UNC13C: variants seen among roughly 807,000 people sequenced by gnomAD.
UNC13C encodes protein unc-13 homolog C.
UNC13C carries 174 observed loss-of-function variants against 245.4 expected under a neutral mutation model. The observed-to-expected ratio is 0.71, with a 90% CI of 0.63 to 0.80. The LOEUF (loss-of-function observed/expected upper bound fraction) is 0.80, where lower values mean the gene tolerates loss of function less well. UNC13C is among the 30% of genes least tolerant of loss of function. The probability of loss-of-function intolerance (pLI) is 0.00; values close to 1 mark genes in which losing one functional copy is unlikely to be tolerated. For missense variants in UNC13C, 2,829 were observed against 2,602.9 expected (o/e 1.09, Z -1.89); for synonymous variants, 992 against 895.1 (o/e 1.11, Z -1.93).
chr15:54,207,169 A>G (rs1262003713), intron 4 of UNC13C, among the ~76,000 whole-genome samples: 1 of 151,892 alleles, frequency 6.6e-6, no homozygotes, highest in African/African-American at 2.4e-5. Context: ...AAGGATTTGA[A>G]TGTTGGTTGT....
intron 19 of UNC13C, among the ~76,000 whole-genome samples, chr15:54,487,132 CAG>C (rs1893456490): frequency 6.6e-6 from 1 of 152,128 alleles, no homozygotes; most frequent in Non-Finnish European, 1.5e-5. Context: ...GTAGATCAAT[CAG>C]AGAGTGTATC....
intron 2 of UNC13C, among the ~76,000 whole-genome samples, chr15:54,030,162 G>C (rs1896296321): frequency 6.6e-6 from 1 of 152,046 alleles, no homozygotes; most frequent in South Asian, 2.1e-4. Context: ...CCTGCTTCCA[G>C]GGACCACCTT....
chr15:54,399,421 A>G (rs925996754), intron 18 of UNC13C, among the ~76,000 whole-genome samples: 8 of 151,902 alleles, frequency 5.3e-5, no homozygotes, highest in African/African-American at 1.9e-4. Flanking sequence ...AATTTTACTC[A>G]TTTTACTTAA....
At chr15:53,971,947 A>G in the UNC13C span, among the ~76,000 whole-genome samples, 2 of 152,208 alleles carry the variant, frequency 1.3e-5, no homozygotes, top group Non-Finnish European at 2.9e-5. Flanking sequence ...CCTTCATTTT[A>G]TAGATGACTC....
intron 7 of UNC13C, among the ~76,000 whole-genome samples, chr15:54,245,880 A>C (rs1398841985): frequency 1.3e-5 from 2 of 152,154 alleles, no homozygotes; most frequent in African/African-American, 2.4e-5. Flanking sequence ...TAATATCACA[A>C]GGAGGATTAT....
chr15:54,109,247 T>C (rs944967405), intron 2 of UNC13C, among the ~76,000 whole-genome samples: 12 of 150,352 alleles, frequency 8.0e-5, no homozygotes, highest in Non-Finnish European at 1.3e-4. Flanking sequence ...TTTATTTTCC[T>C]TTCTTTCCTT....
chr15:53,858,111 C>T, the UNC13C span, among the ~76,000 whole-genome samples: 1 of 152,130 alleles, frequency 6.6e-6, no homozygotes, highest in Non-Finnish European at 1.5e-5. Context: ...TGTCATATGT[C>T]ATGTTTAATT....
intron 20 of UNC13C, 111 bp downstream of exon 20, chr15:54,494,845 C>A: frequency 1.6e-6 from 2 of 1,250,350 alleles, no homozygotes; most frequent in Non-Finnish European, 2.2e-6. Context: ...CATTGGAATG[C>A]AGAAATTTCC....
chr15:54,532,939 T>C lies in UNC13C; in HGVS notation c.5569T>C (p.Cys1857Arg), dbSNP rs146318725. Reference protein sequence around the residue: ...GESFQVIIEECIKQMSFELNQ... With the variant: ...GESFQVIIEERIKQMSFELNQ... ...TAGTTTCCAGGTTATAATTGAAGAGTGTATAAAACAGATGAGTTTCGAACT... is the reference window on the plus strand; with the variant it reads ...TAGTTTCCAGGTTATAATTGAAGAGCGTATAAAACAGATGAGTTTCGAACT... Residue 1857 changes from cysteine to arginine, a missense_variant, in exon 26 of 33, where the codon TGT becomes CGT. Cys to Arg is a radical substitution (Grantham distance 180). Transcript: ENST00000260323. 6.4e-7 allele frequency: 1 copy of C among 1,564,930 alleles called. No individual in the cohort carries two copies. The highest frequency in any genetic ancestry group is 2.3e-5 in the East Asian group (1 of 43,670).
At chr15:54,529,009 T>C (rs1176695974) in intron 25 of UNC13C, among the ~76,000 whole-genome samples, 1 of 152,198 alleles carries the variant, frequency 6.6e-6, no homozygotes, top group African/African-American at 2.4e-5. Context: ...ATTTAGACTC[T>C]CTTGGATGAC....
At chr15:54,444,492 T>A (rs1002414210) in intron 19 of UNC13C, among the ~76,000 whole-genome samples, 2 of 151,900 alleles carry the variant, frequency 1.3e-5, no homozygotes, top group Non-Finnish European at 2.9e-5. Flanking sequence ...CCAGTCTATA[T>A]CTTTTACGTA....
chr15:53,934,488 G>T, the UNC13C span, among the ~76,000 whole-genome samples: 101,155 of 152,048 alleles, frequency 0.67, 33,903 homozygotes, highest in East Asian at 0.85. Flanking sequence ...ATGTTTATCT[G>T]AAAATCAGAA....
At chr15:54,173,174 G>A (rs2033481126) in intron 4 of UNC13C, among the ~76,000 whole-genome samples, 1 of 151,820 alleles carries the variant, frequency 6.6e-6, no homozygotes, top group South Asian at 2.1e-4. Flanking sequence ...CTCCAATTTT[G>A]TTATCTTTTT....
chr15:53,901,382 G>T, the UNC13C span, among the ~76,000 whole-genome samples: 1 of 146,782 alleles, frequency 6.8e-6, no homozygotes, highest in South Asian at 2.2e-4. Context: ...ACCATGCCTA[G>T]CTATTTTTTT....
chr15:54,592,863 G>GTTTTTT (rs56152927), intron 30 of UNC13C, among the ~76,000 whole-genome samples: 2 of 134,148 alleles, frequency 1.5e-5, no homozygotes, highest in Admixed American at 7.3e-5. Flanking sequence ...TTTGTTTTTT[G>GTTTTTT]TTTTTTTTTT....
Position 54,425,837 on chromosome 15 carries a change from T to C in UNC13C, c.4933+10770T>C, listed in dbSNP as rs149430011. Among the ~76,000 whole-genome samples the C allele has an allele frequency of 2.5e-3, 376 of 151,972 alleles. 2 individuals carry two copies. Among genetic ancestry groups the C allele is most frequent in the African/African-American group, 8.6e-3 (357 of 41,522 alleles). ...ATATCATCTTAGAGAATTTTGTAGG[T>C]CAGGAAGTCTGATGTGGGTTTCATT... On this transcript the variant is annotated intron_variant, in intron 19 of 32. Coordinates refer to ENST00000260323, the MANE Select transcript of UNC13C (RefSeq NM_001080534.3).
chr15:53,978,420 C>T (rs1438065904), upstream of UNC13C, among the ~76,000 whole-genome samples: 1 of 151,326 alleles, frequency 6.6e-6, no homozygotes, highest in Non-Finnish European at 1.5e-5. Flanking sequence ...GGCTGGGGAT[C>T]GCAGTGCCGG....
intron 4 of UNC13C, among the ~76,000 whole-genome samples, chr15:54,168,678 G>A (rs1202269083): frequency 1.3e-5 from 2 of 152,040 alleles, no homozygotes; most frequent in African/African-American, 2.4e-5. Context: ...ATAACACAAC[G>A]CGTCTGTTAA....
chr15:54,181,264 T>A (rs1013827101), intron 4 of UNC13C, among the ~76,000 whole-genome samples: 2 of 151,944 alleles, frequency 1.3e-5, no homozygotes, highest in African/African-American at 4.8e-5. Flanking sequence ...GAGTCCTTCA[T>A]CCATTGCTTA....
Sources: allele counts gnomAD v4.1 joint callset (sites outside exome capture counted in the v4.1 genomes callset), GRCh38; gene constraint gnomAD v4.1.1; transcripts MANE v1.5; gene names NCBI Gene and HGNC (gene_info 2026-07-23, HGNC 2026-07-21).